The following GUF1 variants were observed in gnomAD, a reference collection of about 807,000 sequenced individuals.
The protein encoded by GUF1 is GTP binding elongation factor GUF1.
Under a neutral mutation model 82.4 loss-of-function variants are expected in GUF1, and 78 were observed. The ratio of observed to expected loss-of-function variants is 0.95; its 90% CI spans 0.79 to 1.14. GUF1 has a LOEUF of 1.14. Ranked by LOEUF, GUF1 falls within the 50% of genes most tolerant of loss-of-function variation. The pLI, the probability that GUF1 is intolerant of heterozygous loss-of-function variation, is 0.00. For missense variants in GUF1, 814 were observed against 798.2 expected, an observed-to-expected ratio of 1.02 and a Z score of -0.24; for synonymous variants, 279 against 282.3, an observed-to-expected ratio of 0.99 and a Z score of 0.12.
rs1359405177 is a variant in GUF1 at position 44,678,799 on chromosome 4, CT to C, written c.165+13del. 6.5e-7 allele frequency: 1 copy of C among 1,547,370 alleles called. No individual in the cohort carries two copies. The highest frequency in any genetic ancestry group is 8.7e-7 in the Non-Finnish European group (1 of 1,154,784). On this transcript the variant is annotated intron_variant, in intron 1 of 16. Transcript: ENST00000281543. ...CCGCAGAATTCAAGGTGACTGCCCCCTGGAATCTGATTTAGCCAAGTTTTCA... is the reference window on the plus strand; with the variant it reads ...CCGCAGAATTCAAGGTGACTGCCCCCGGAATCTGATTTAGCCAAGTTTTCA...
intron 1 of GUF1, among the ~76,000 whole-genome samples, chr4:44,680,055 G>A (rs745355756): frequency 6.6e-6 from 1 of 152,104 alleles, no homozygotes; most frequent in Non-Finnish European, 1.5e-5. Context: ...TGTGATAGGA[G>A]CAGAAAATTT....
Position 44,678,485 on chromosome 4 carries a change from CG to C in GUF1, c.-134del. ...GATCTGGTACTTGGGCAGAGCTCCC[CG>C]GGGTTCATTGTCTTCGCTTCACAGG... is the stretch of plus-strand genomic sequence containing the variant. On this transcript the variant is annotated 5_prime_UTR_variant, in exon 1 of 17. Transcript: ENST00000281543. 1.5e-6 allele frequency: 1 copy of C among 685,976 alleles called. No homozygotes were observed. The highest frequency in any genetic ancestry group is 2.1e-6 in the Non-Finnish European group (1 of 467,404). The allele number at this position is 685,976 out of a possible 1,614,324, so 42.5% of individuals were successfully genotyped here. A position where few individuals can be genotyped will look rare whatever the true frequency, so the allele number is the denominator to read the frequency against.
intron 13 of GUF1, 171 bp from the exon 14 acceptor site, chr4:44,694,241 A>G (rs1373839312): frequency 2.0e-5 from 11 of 553,292 alleles, no homozygotes; most frequent in Non-Finnish European, 3.5e-5. Context: ...ACATAAAAAG[A>G]TAACATTTAG....
intron 16 of GUF1, 32 bp downstream of exon 16, chr4:44,697,476 T>G: frequency 8.3e-7 from 1 of 1,207,148 alleles, no homozygotes; most frequent in East Asian, 2.5e-5. Context: ...TTCTACTTTA[T>G]AACTTTTATG....
chr4:44,685,935 T>A (rs367904145), intron 6 of GUF1, 24 bp from the exon 7 acceptor site: 7 of 1,527,484 alleles, frequency 4.6e-6, no homozygotes, highest in Non-Finnish European at 6.3e-6. Context: ...TAAATGCTTA[T>A]ATTTTTCACA....
intron 8 of GUF1, 105 bp downstream of exon 8, chr4:44,686,818 A>C (rs548529183): frequency 4.1e-5 from 31 of 765,198 alleles, no homozygotes; most frequent in Admixed American, 1.5e-4. Context: ...TGGTAACTTA[A>C]AAAAAACTAT....
chr4:44,682,074 A>C (rs145735670), intron 4 of GUF1: 1 of 269,684 alleles, frequency 3.7e-6, no homozygotes, highest in Non-Finnish European at 6.9e-6. Flanking sequence ...AAGGCTTCCT[A>C]TCTCAAGCTT....
chr4:44,691,200 C>T (rs1577775105), intron 12 of GUF1, among the ~76,000 whole-genome samples: 1 of 151,520 alleles, frequency 6.6e-6, no homozygotes, highest in African/African-American at 2.4e-5. Flanking sequence ...AAGGTACTCC[C>T]ATTTTGCTTT....
chr4:44,698,915 C>G lies in GUF1; in HGVS notation c.*234C>G, dbSNP rs1022018161. The stretch of plus-strand genomic sequence containing the variant: ...GTAAGGTGACCGTGGCCAGATTAAC[C>G]TTTGTTTCCTCTTCAGTAAAATCGA... On this transcript the variant is annotated 3_prime_UTR_variant, in exon 17 of 17. Coordinates refer to ENST00000281543, the MANE Select transcript of GUF1 (RefSeq NM_021927.3). 1 of 390,776 alleles carries G rather than the reference C, an allele frequency of 2.6e-6. No individual in the cohort carries two copies. The highest frequency in any genetic ancestry group is 4.6e-6 in the Non-Finnish European group (1 of 219,066). The allele number at this position is 390,776 out of a possible 1,614,324, so 24.2% of individuals were successfully genotyped here.
chr4:44,684,816 G>A (rs1229626511), intron 6 of GUF1, among the ~76,000 whole-genome samples: 1 of 152,096 alleles, frequency 6.6e-6, no homozygotes, highest in African/African-American at 2.4e-5. Context: ...TCTTGATTTG[G>A]AGATAAGTAT....
At chr4:44,686,851 G>C in intron 8 of GUF1, 138 bp downstream of exon 8, 1 of 615,488 alleles carries the variant, frequency 1.6e-6, no homozygotes, top group South Asian at 2.0e-5. Flanking sequence ...TACAGTAAAT[G>C]CTCTGTCAAG....
In GUF1 at chr4:44,690,721, A is replaced by G. The variant is rs748085847; in HGVS notation, c.1340A>G (p.His447Arg). 2 of 1,537,652 alleles carry G rather than the reference A, an allele frequency of 1.3e-6. No individual in the cohort carries two copies. Among genetic ancestry groups the G allele is most frequent in the East Asian group, 2.3e-5 (1 of 43,984 alleles). The change falls in exon 12 of 17, where the codon CAT (histidine) becomes CGT (arginine). Residue 447 changes from histidine to arginine, a missense_variant. Transcript: ENST00000281543. ...VLSSSKLIKEHREKEITIINP... is the reference protein window; with the variant it reads ...VLSSSKLIKERREKEITIINP... ...GCTGATTTTTCTAATTTTTAGGAAC[A>G]TAGAGAAAAAGAAATTACAATTATC... is the stretch of plus-strand genomic sequence containing the variant.
intron 4 of GUF1, 133 bp downstream of exon 4, chr4:44,681,336 A>C (rs1357953755): frequency 3.1e-6 from 2 of 648,258 alleles, no homozygotes; most frequent in Non-Finnish European, 5.5e-6. Context: ...ACTTACTGAA[A>C]ATCATATGGT....
rs1245750736 is a variant in GUF1, at chr4:44,678,448, G to C, written c.-175G>C. 3.9e-6 allele frequency: 2 copies of C among 515,688 alleles called. No individual in the cohort carries two copies. Among genetic ancestry groups the C allele is most frequent in the Non-Finnish European group, 6.4e-6 (2 of 314,388 alleles). The allele number at this position is 515,688 out of a possible 1,614,324, so 31.9% of individuals were successfully genotyped here. A position where few individuals can be genotyped will look rare whatever the true frequency, so the allele number is the denominator to read the frequency against. ...CGTCGGCAAGCTGCGCCGCCGCTTC[G>C]GGTTGCTTCCGGATCTGGTACTTGG... is the stretch of plus-strand genomic sequence containing the variant. On this transcript the variant is annotated 5_prime_UTR_variant, in exon 1 of 17. Coordinates refer to ENST00000281543, the MANE Select transcript of GUF1 (RefSeq NM_021927.3).
intron 9 of GUF1, 122 bp downstream of exon 9, chr4:44,688,268 T>G (rs1715191442): frequency 3.2e-6 from 3 of 925,006 alleles, no homozygotes; most frequent in Non-Finnish European, 5.0e-6. Context: ...TTCCAGCATA[T>G]TGTTTCACTT....
intron 13 of GUF1, among the ~76,000 whole-genome samples, chr4:44,692,490 A>G (rs373315417): frequency 6.6e-6 from 1 of 151,936 alleles, no homozygotes; most frequent in African/African-American, 2.4e-5. Flanking sequence ...GATAGTATAT[A>G]TAGAAAACAG....
At chr4:44,680,655 A>T (rs775096078) in intron 2 of GUF1, 39 bp from the exon 3 acceptor site, 124 of 1,361,836 alleles carry the variant, frequency 9.1e-5, no homozygotes, top group African/African-American at 2.1e-4. Context: ...TTTTTTTTTT[A>T]AAGCCCAGAG....
At position 44,690,697 on chromosome 4, in the gene GUF1, C is replaced by T. The variant is rs746127345; in HGVS notation, c.1336-20C>T. 7.1e-7 allele frequency: 1 copy of T among 1,418,030 alleles called. No homozygotes were observed. Among genetic ancestry groups the T allele is most frequent in the Admixed American group, 1.9e-5 (1 of 52,298 alleles). The allele number at this position is 1,418,030 out of a possible 1,614,324, so 87.8% of individuals were successfully genotyped here. ...CATTATATTAAGATTTTAAGTATTGCTGATTTTTCTAATTTTTAGGAACAT... is the reference window on the plus strand; with the variant it reads ...CATTATATTAAGATTTTAAGTATTGTTGATTTTTCTAATTTTTAGGAACAT... On this transcript the variant is annotated intron_variant, in intron 11 of 16. Coordinates refer to ENST00000281543, the MANE Select transcript of GUF1 (RefSeq NM_021927.3).
chr4:44,682,553 T>G, intron 5 of GUF1, 142 bp downstream of exon 5: 1 of 437,330 alleles, frequency 2.3e-6, no homozygotes, highest in Non-Finnish European at 4.1e-6. Context: ...CTTTGAATTG[T>G]ATATAACAGA....
Sources: gnomAD v4.1 joint callset for allele counts (sites outside exome capture counted in the v4.1 genomes callset) on GRCh38, gnomAD v4.1.1 for gene constraint, MANE v1.5 for transcripts, NCBI Gene and HGNC (gene_info 2026-07-23, HGNC 2026-07-21) for gene names.